The following CRACR2A variants were observed in gnomAD, a reference collection of about 807,000 sequenced individuals.
CRACR2A encodes calcium release activated channel regulator 2A, also known as EF-hand calcium-binding domain-containing protein 4B.
Under a neutral mutation model 90.5 loss-of-function variants are expected in CRACR2A, and 79 were observed. That is an observed-to-expected ratio of 0.87 (90% CI 0.73 to 1.05). The LOEUF (loss-of-function observed/expected upper bound fraction) is 1.05. CRACR2A is among the 50% of genes least tolerant of loss of function. The probability of loss-of-function intolerance (pLI) is 0.00; values close to 1 mark genes in which losing one functional copy is unlikely to be tolerated. For synonymous variants in CRACR2A, 338 were observed against 356.7 expected, an observed-to-expected ratio of 0.95 and a Z score of 0.59; for missense variants, 823 against 897.2, an observed-to-expected ratio of 0.92 and a Z score of 1.06.
At chr12:3,641,436 C>T (rs928424961) in intron 13 of CRACR2A, among the ~76,000 whole-genome samples, 5 of 152,264 alleles carry the variant, frequency 3.3e-5, no homozygotes, top group African/African-American at 1.2e-4. Flanking sequence ...CACTCCCTCC[C>T]TCTCCCTTGA....
In CRACR2A at chr12:3,638,337, C is replaced by T. The variant is rs763549925; in HGVS notation, c.1389G>A (p.Pro463=). 2.4e-5 allele frequency: 38 copies of T among 1,551,192 alleles called. No individual in the cohort carries two copies. The highest frequency in any genetic ancestry group is 3.3e-4 in the Middle Eastern group (2 of 5,990). The change falls in exon 14 of 20, where the codon CCG becomes CCA. Residue 463 remains proline (P), a synonymous_variant. Coordinates refer to ENST00000440314, the MANE Select transcript of CRACR2A (RefSeq NM_001144958.2). ...PGTGEPGPGG[P]YPRPLRRIIS... is the part of the protein sequence containing the mutation. ...TGATTCTGCGGAGCGGCCGGGGGTACGGACCCCCAGGCCCTGGCTCCCCGG... is the reference window on the plus strand; with the variant it reads ...TGATTCTGCGGAGCGGCCGGGGGTATGGACCCCCAGGCCCTGGCTCCCCGG...
chr12:3,621,900 G>A (rs1325181281), intron 17 of CRACR2A, among the ~76,000 whole-genome samples: 1 of 151,850 alleles, frequency 6.6e-6, no homozygotes. Context: ...AAATAAATGA[G>A]AATACCCATA....
In CRACR2A at chr12:3,629,851, G is replaced by C. The variant is rs912551094; in HGVS notation, c.1736-2145C>G. ...TGAAGGACACAAGGAAAAGACAAGG[G>C]GGGGGGGGGATGAAGAGGTGGCATG... On this transcript the variant is annotated intron_variant, in intron 15 of 19. Coordinates refer to ENST00000440314, the MANE Select transcript of CRACR2A (RefSeq NM_001144958.2). Among the ~76,000 whole-genome samples, 27 of 22,750 alleles carry C rather than the reference G, an allele frequency of 1.2e-3. No homozygotes were observed. The South Asian group carries it at 0.014, about 12-fold the overall frequency. The allele number at this position is 22,750 out of a possible 152,430, so 14.9% of individuals were successfully genotyped here.
intron 11 of CRACR2A, chr12:3,648,257 G>T: frequency 1.5e-6 from 2 of 1,310,936 alleles, no homozygotes; most frequent in Non-Finnish European, 1.9e-6. Context: ...CTGCTCGCAT[G>T]AGATCAAGTA....
chr12:3,736,631 T>C (rs1161461946), intron 1 of CRACR2A, among the ~76,000 whole-genome samples: 1 of 151,882 alleles, frequency 6.6e-6, no homozygotes, highest in Non-Finnish European at 1.5e-5. Flanking sequence ...AGAAAAAAAC[T>C]GAGGGCTGGA....
intron 18 of CRACR2A, among the ~76,000 whole-genome samples, chr12:3,618,425 C>A (rs1867738652): frequency 6.6e-6 from 1 of 152,128 alleles, no homozygotes; most frequent in African/African-American, 2.4e-5. Flanking sequence ...ATTTTTCTGC[C>A]AGATAAAATA....
intron 6 of CRACR2A, among the ~76,000 whole-genome samples, chr12:3,674,215 C>A (rs1001950684): frequency 6.6e-6 from 1 of 152,146 alleles, no homozygotes; most frequent in African/African-American, 2.4e-5. Context: ...ATATGCAGCA[C>A]CCCACTGTGG....
At chr12:3,731,183 C>A (rs528207932) in intron 2 of CRACR2A, 4 of 152,632 alleles carry the variant, frequency 2.6e-5, no homozygotes, top group Non-Finnish European at 5.9e-5. Flanking sequence ...CCAGCAGCCT[C>A]CGCCACCTCC....
intron 2 of CRACR2A, among the ~76,000 whole-genome samples, chr12:3,720,440 AAAG>A (rs1424618497): frequency 8.6e-6 from 1 of 115,620 alleles, no homozygotes; most frequent in Non-Finnish European, 2.0e-5. Context: ...AGAAAGAAAG[AAAG>A]AAAGAAAGAA....
intron 2 of CRACR2A, among the ~76,000 whole-genome samples, chr12:3,718,998 C>T (rs1238540121): frequency 6.6e-6 from 1 of 152,178 alleles, no homozygotes; most frequent in Non-Finnish European, 1.5e-5. Flanking sequence ...CCAAAAACTT[C>T]AGGGTGGGGA....
At chr12:3,707,114 T>C (rs756747923) in intron 3 of CRACR2A, among the ~76,000 whole-genome samples, 2 of 150,652 alleles carry the variant, frequency 1.3e-5, no homozygotes, top group Non-Finnish European at 3.0e-5. Flanking sequence ...ACCAAGAAGG[T>C]GAATATGCCC....
chr12:3,748,335 C>T (rs1186388197), intron 1 of CRACR2A, among the ~76,000 whole-genome samples: 1 of 152,170 alleles, frequency 6.6e-6, no homozygotes, highest in Non-Finnish European at 1.5e-5. Context: ...TGGAGCATCA[C>T]CCAGAGTCAG....
chr12:3,673,363 G>C, intron 7 of CRACR2A, 83 bp downstream of exon 7: 1 of 1,506,718 alleles, frequency 6.6e-7, no homozygotes, highest in Non-Finnish European at 8.9e-7. Flanking sequence ...CGATGTTTTG[G>C]CAGAAGATCT....
At position 3,648,633 on chromosome 12, in the gene CRACR2A, A is replaced by G. The variant is rs1944737212; in HGVS notation, c.1047-20T>C. 2.5e-6 allele frequency: 4 copies of G among 1,604,072 alleles called. No homozygotes were observed. Among genetic ancestry groups the G allele is most frequent in the East Asian group, 2.2e-5 (1 of 44,616 alleles). Reference sequence around the variant, plus strand: ...ACTTCCCTGAGGAGGAGGCAAACACATGGCAGTGAGCTCCCAGGTGGAAGC... The same window carrying G: ...ACTTCCCTGAGGAGGAGGCAAACACGTGGCAGTGAGCTCCCAGGTGGAAGC... On this transcript the variant is annotated intron_variant, in intron 10 of 19. Coordinates refer to ENST00000440314, the MANE Select transcript of CRACR2A (RefSeq NM_001144958.2).
chr12:3,640,836 T>C, intron 13 of CRACR2A: 2 of 1,300,650 alleles, frequency 1.5e-6, no homozygotes, highest in Non-Finnish European at 2.0e-6. Context: ...GGTTTGTCTC[T>C]CAATGAGCAA....
At chr12:3,695,626 AG>A (rs1170258052) in intron 4 of CRACR2A, among the ~76,000 whole-genome samples, 1 of 152,224 alleles carries the variant, frequency 6.6e-6, no homozygotes, top group Non-Finnish European at 1.5e-5. Flanking sequence ...GAGCCTAATG[AG>A]GGTCCCCATT....
At chr12:3,720,469 A>C in intron 2 of CRACR2A, among the ~76,000 whole-genome samples, 1 of 119,154 alleles carries the variant, frequency 8.4e-6, no homozygotes, top group Non-Finnish European at 1.9e-5. Flanking sequence ...GAAAGAAAGC[A>C]AAAGAAAAAA....
chr12:3,616,337 C>T (rs1264124953), intron 19 of CRACR2A, among the ~76,000 whole-genome samples: 2 of 152,202 alleles, frequency 1.3e-5, no homozygotes, highest in East Asian at 3.8e-4. Flanking sequence ...AAATGAAGGC[C>T]TAGATGGATG....
chr12:3,696,620 C>T (rs1945744264), intron 4 of CRACR2A, 152 bp downstream of exon 4: 1 of 1,124,018 alleles, frequency 8.9e-7, no homozygotes. Context: ...AGGTCCGGCT[C>T]CTAGTAGAGT....
Sources: gnomAD v4.1 joint callset for allele counts (sites outside exome capture counted in the v4.1 genomes callset) on GRCh38, gnomAD v4.1.1 for gene constraint, MANE v1.5 for transcripts, NCBI Gene and HGNC (gene_info 2026-07-23, HGNC 2026-07-21) for gene names.